STK39: variants seen among roughly 807,000 people sequenced by gnomAD.
STK39 encodes STE20/SPS1-related proline-alanine-rich protein kinase.
A neutral mutation model predicts 77.8 loss-of-function variants in STK39; 20 were observed. That is an observed-to-expected ratio of 0.26 (90% confidence interval 0.18 to 0.37). The LOEUF is 0.37. Among genes scored for constraint, STK39 ranks in the 10% least tolerant of loss-of-function variants. STK39 has a pLI of 1.00. For missense variants in STK39, 479 were observed against 656.5 expected, an observed-to-expected ratio of 0.73 and a Z score of 2.95; for synonymous variants, 246 against 234.1, an observed-to-expected ratio of 1.05 and a Z score of -0.47.
At chr2:168,177,417 G>C (rs1331334264) in intron 2 of STK39, among the ~76,000 whole-genome samples, 1 of 152,080 alleles carries the variant, frequency 6.6e-6, no homozygotes, top group Admixed American at 6.5e-5. Flanking sequence ...CTAGAAATAT[G>C]AGAACTTGAG....
chr2:167,976,331 C>T (rs936572970), intron 16 of STK39, among the ~76,000 whole-genome samples: 1 of 152,176 alleles, frequency 6.6e-6, no homozygotes, highest in Admixed American at 6.5e-5. Context: ...ATCTAGTCAA[C>T]CCCTCCTCTT....
At chr2:168,175,684 T>C (rs929175708) in intron 2 of STK39, among the ~76,000 whole-genome samples, 1 of 152,228 alleles carries the variant, frequency 6.6e-6, no homozygotes, top group African/African-American at 2.4e-5. Context: ...AAGAATGTTT[T>C]TGTGCTTTCA....
chr2:168,006,721 G>C (rs6725853), intron 16 of STK39, among the ~76,000 whole-genome samples: 1 of 152,028 alleles, frequency 6.6e-6, no homozygotes, highest in Admixed American at 6.6e-5. Context: ...TCTTATCAAC[G>C]GCTATTTACA....
intron 1 of STK39, among the ~76,000 whole-genome samples, chr2:168,209,346 GATAT>G (rs1689823054): frequency 6.6e-6 from 1 of 152,088 alleles, no homozygotes; most frequent in Non-Finnish European, 1.5e-5. Context: ...TGTATTCTTA[GATAT>G]ATATAACTTT....
At chr2:168,168,538 T>G (rs1428228425) in intron 2 of STK39, among the ~76,000 whole-genome samples, 2 of 152,276 alleles carry the variant, frequency 1.3e-5, no homozygotes, top group Non-Finnish European at 1.5e-5. Flanking sequence ...TCACATTAAC[T>G]CAAAGTTACC....
chr2:168,100,227 G>A (rs1369376322), intron 10 of STK39, among the ~76,000 whole-genome samples: 1 of 152,096 alleles, frequency 6.6e-6, no homozygotes, highest in Non-Finnish European at 1.5e-5. Flanking sequence ...ACCAAAGGAA[G>A]GCCAATCAAA....
At chr2:168,205,201 T>TA (rs1397205433) in intron 1 of STK39, among the ~76,000 whole-genome samples, 1 of 152,238 alleles carries the variant, frequency 6.6e-6, no homozygotes, top group African/African-American at 2.4e-5. Context: ...AAGCAATTTT[T>TA]AAATAACACT....
chr2:167,965,375 T>C (rs1187517143), intron 16 of STK39, among the ~76,000 whole-genome samples: 1 of 152,196 alleles, frequency 6.6e-6, no homozygotes, highest in Non-Finnish European at 1.5e-5. Flanking sequence ...GAGTAGACGC[T>C]GTCAGTTTGG....
At chr2:167,968,338 GT>G (rs1425252959) in intron 16 of STK39, among the ~76,000 whole-genome samples, 2 of 151,616 alleles carry the variant, frequency 1.3e-5, no homozygotes, top group East Asian at 3.8e-4. Flanking sequence ...TACTAGTTCT[GT>G]TTTAAGTTAT....
At chr2:167,969,865 A>G (rs367591175) in intron 16 of STK39, among the ~76,000 whole-genome samples, 2 of 151,842 alleles carry the variant, frequency 1.3e-5, no homozygotes, top group African/African-American at 4.9e-5. Context: ...TTGGCCTTCC[A>G]TCTCAGAGTA....
intron 16 of STK39, among the ~76,000 whole-genome samples, chr2:168,007,284 C>T (rs1291604909): frequency 3.9e-5 from 6 of 152,082 alleles, no homozygotes; most frequent in Admixed American, 3.9e-4. Flanking sequence ...AAGCAAAATT[C>T]TTAAAACACT....
intron 1 of STK39, among the ~76,000 whole-genome samples, chr2:168,209,637 A>G (rs1174285049): frequency 1.3e-5 from 2 of 152,034 alleles, no homozygotes; most frequent in African/African-American, 4.8e-5. Flanking sequence ...CCGAGATCGC[A>G]CCACTGCACT....
At chr2:168,034,936 C>T (rs1684914015) in intron 14 of STK39, among the ~76,000 whole-genome samples, 1 of 152,222 alleles carries the variant, frequency 6.6e-6, no homozygotes, top group Non-Finnish European at 1.5e-5. Flanking sequence ...TGACCTCCTT[C>T]AGCCTGTTGA....
At chr2:168,212,786 C>T (rs889406994) in intron 1 of STK39, among the ~76,000 whole-genome samples, 1 of 152,172 alleles carries the variant, frequency 6.6e-6, no homozygotes, top group African/African-American at 2.4e-5. Context: ...CCAGTACAGC[C>T]TAAGGGTCCT....
intron 2 of STK39, among the ~76,000 whole-genome samples, chr2:168,179,039 G>T (rs1485157518): frequency 6.6e-6 from 1 of 151,610 alleles, no homozygotes; most frequent in Non-Finnish European, 1.5e-5. Flanking sequence ...ATGTCCCAGT[G>T]GCCAACAAAT....
intron 10 of STK39, among the ~76,000 whole-genome samples, chr2:168,121,115 T>G (rs924569849): frequency 2.6e-5 from 4 of 152,224 alleles, no homozygotes; most frequent in African/African-American, 4.8e-5. Context: ...CATCTATATT[T>G]CCTTCCTGTC....
intron 2 of STK39, among the ~76,000 whole-genome samples, chr2:168,178,529 C>T (rs1049788451): frequency 1.8e-4 from 27 of 152,256 alleles, no homozygotes; most frequent in Admixed American, 9.2e-4. Context: ...AAAAGTCATC[C>T]TTTTGATGGG....
chr2:168,217,618 A>C (rs1401935943), intron 1 of STK39, among the ~76,000 whole-genome samples: 1 of 152,230 alleles, frequency 6.6e-6, no homozygotes, highest in Non-Finnish European at 1.5e-5. Flanking sequence ...AAAATGATGT[A>C]GTATTTGCAT....
At chr2:168,042,444 G>C (rs886822741) in intron 14 of STK39, among the ~76,000 whole-genome samples, 2 of 152,174 alleles carry the variant, frequency 1.3e-5, no homozygotes, top group African/African-American at 4.8e-5. Context: ...ACAACAAAGA[G>C]ATAGGTTATG....
Sources: allele counts gnomAD v4.1 joint callset (sites outside exome capture counted in the v4.1 genomes callset), GRCh38; gene constraint gnomAD v4.1.1; transcripts MANE v1.5; gene names NCBI Gene and HGNC (gene_info 2026-07-23, HGNC 2026-07-21).